The following NLN variants were observed in gnomAD, a reference collection of about 807,000 sequenced individuals.
The protein encoded by NLN is neurolysin.
A neutral mutation model predicts 79.9 loss-of-function variants in NLN; 64 were observed. The observed-to-expected ratio is 0.80, with a 90% CI of 0.65 to 0.99. The LOEUF (loss-of-function observed/expected upper bound fraction) is 0.99, where lower values mean the gene tolerates loss of function less well. Among genes scored for constraint, NLN ranks in the 50% least tolerant of loss-of-function variants. The pLI, the probability that NLN is intolerant of heterozygous loss-of-function variation, is 0.00. For missense variants in NLN, 835 were observed against 858.7 expected (o/e 0.97, Z 0.34); for synonymous variants, 267 against 296.6 (o/e 0.90, Z 1.02).
At chr5:65,754,999 G>A (rs1216052961) in intron 1 of NLN, among the ~76,000 whole-genome samples, 1 of 152,138 alleles carries the variant, frequency 6.6e-6, no homozygotes, top group Non-Finnish European at 1.5e-5. Context: ...CTCTTGCAAA[G>A]AAACTGCTTA....
At chr5:65,727,947 T>C (rs1016574138) in intron 1 of NLN, among the ~76,000 whole-genome samples, 2 of 152,150 alleles carry the variant, frequency 1.3e-5, no homozygotes, top group African/African-American at 4.8e-5. Context: ...TTTGTATTTT[T>C]AGTAGAGCTG....
At chr5:65,767,495 T>G (rs1449718595) in intron 3 of NLN, among the ~76,000 whole-genome samples, 2 of 152,114 alleles carry the variant, frequency 1.3e-5, no homozygotes, top group African/African-American at 4.8e-5. Flanking sequence ...CAAAACCATT[T>G]TTTTTCTCCT....
At chr5:65,751,116 A>G (rs1437213357) in intron 1 of NLN, among the ~76,000 whole-genome samples, 1 of 152,104 alleles carries the variant, frequency 6.6e-6, no homozygotes, top group Non-Finnish European at 1.5e-5. Flanking sequence ...GTAGAGAAAC[A>G]TTAATTGCAA....
chr5:65,771,588 T>C (rs1759566742), intron 3 of NLN, among the ~76,000 whole-genome samples: 1 of 152,218 alleles, frequency 6.6e-6, no homozygotes, highest in Non-Finnish European at 1.5e-5. Context: ...TCTTAGCCAA[T>C]TAGTGATTTA....
chr5:65,775,437 T>C (rs1759658717), intron 3 of NLN, among the ~76,000 whole-genome samples: 1 of 152,172 alleles, frequency 6.6e-6, no homozygotes, highest in Non-Finnish European at 1.5e-5. Flanking sequence ...CTCTGGTCCT[T>C]AGCCTGCTCG....
chr5:65,803,004 C>G (rs774953595), intron 9 of NLN, among the ~76,000 whole-genome samples: 3 of 152,164 alleles, frequency 2.0e-5, no homozygotes, highest in African/African-American at 4.8e-5. Flanking sequence ...AGAGGAGACC[C>G]TGGAGTGGGT....
At chr5:65,816,316 G>A (rs1212432103) in intron 12 of NLN, among the ~76,000 whole-genome samples, 4 of 152,156 alleles carry the variant, frequency 2.6e-5, no homozygotes, top group African/African-American at 9.7e-5. Context: ...ACTTAAAAGT[G>A]GGAGCTAAAT....
chr5:65,735,978 C>T (rs985074652), intron 1 of NLN, among the ~76,000 whole-genome samples: 4 of 152,064 alleles, frequency 2.6e-5, no homozygotes, highest in South Asian at 2.1e-4. Context: ...AATGCATATA[C>T]GTATATACAT....
In NLN at chr5:65,758,691, C is replaced by T; in HGVS notation, c.166C>T (p.Gln56Ter). 6.2e-7 allele frequency: 1 copy of T among 1,613,726 alleles called. No individual in the cohort carries two copies. ...TTTAAGATGGGATCTTTCACCAGAG[C>T]AAATTAAAACAAGAACTGAGGAGCT... ...NVLRWDLSPE[Q>*]IKTRTEELIV... is the part of the protein sequence containing the mutation. Residue 56 changes from glutamine to a stop codon, truncating the protein, a stop_gained, in exon 2 of 13, where the codon CAA becomes TAA. Coordinates refer to ENST00000380985, the MANE Select transcript of NLN (RefSeq NM_020726.5). LOFTEE classifies it high-confidence loss of function.
At position 65,812,398 on chromosome 5, in the gene NLN, TATTA is replaced by T; in HGVS notation, c.1980+8_1980+11del. ...AGGGATAATGAATCCAGAGGTATAG[TATTA>T]TTTTTCTCCTTTTATTAATTTTGTA... On this transcript the variant is annotated splice_region_variant and intron_variant, in intron 12 of 12. Coordinates refer to ENST00000380985, the MANE Select transcript of NLN (RefSeq NM_020726.5). 1 of 1,495,346 alleles carries T rather than the reference TATTA, an allele frequency of 6.7e-7. No individual in the cohort carries two copies. Among genetic ancestry groups the T allele is most frequent in the African/African-American group, 1.4e-5 (1 of 71,182 alleles). 92.6% of individuals were successfully genotyped at this position (1,495,346 alleles called of 1,614,324 possible). A position where few individuals can be genotyped will look rare whatever the true frequency, so the allele number is the denominator to read the frequency against.
Position 65,826,621 on chromosome 5 carries a change from A to G in NLN, c.*3706A>G, listed in dbSNP as rs1192408456. On this transcript the variant is annotated 3_prime_UTR_variant, in exon 13 of 13. Coordinates refer to ENST00000380985, the MANE Select transcript of NLN (RefSeq NM_020726.5). ...TGTGTGGTGAGAATAAAAGCAACAA[A>G]GAAATGAATGTGGTGGCTCACACCT... The G allele has an allele frequency of 6.6e-6, 1 of 152,236 alleles. No homozygotes were observed. Among genetic ancestry groups the G allele is most frequent in the Non-Finnish European group, 1.5e-5 (1 of 68,052 alleles). The allele number at this position is 152,236 out of a possible 1,614,324, so 9.4% of individuals were successfully genotyped here.
At chr5:65,808,211 T>C (rs1760461539) in intron 9 of NLN, among the ~76,000 whole-genome samples, 1 of 152,176 alleles carries the variant, frequency 6.6e-6, no homozygotes, top group African/African-American at 2.4e-5. Context: ...CAAAACATTT[T>C]TTTGCATAAA....
At chr5:65,815,318 C>T (rs1760647152) in intron 12 of NLN, among the ~76,000 whole-genome samples, 1 of 152,174 alleles carries the variant, frequency 6.6e-6, no homozygotes, top group South Asian at 2.1e-4. Flanking sequence ...GAAGCAATTC[C>T]TGCATTGTCT....
At chr5:65,808,545 G>C (rs1760473954) in intron 9 of NLN, among the ~76,000 whole-genome samples, 1 of 152,150 alleles carries the variant, frequency 6.6e-6, no homozygotes, top group African/African-American at 2.4e-5. Flanking sequence ...TTGAAGGACT[G>C]TGTGAAGGTT....
chr5:65,807,383 G>C (rs1418803476), intron 9 of NLN, among the ~76,000 whole-genome samples: 1 of 151,762 alleles, frequency 6.6e-6, no homozygotes, highest in East Asian at 1.9e-4. Context: ...ATGATCATTA[G>C]CATTTTTTAA....
intron 9 of NLN, among the ~76,000 whole-genome samples, chr5:65,797,193 G>C (rs1283564632): frequency 2.6e-5 from 4 of 152,218 alleles, no homozygotes; most frequent in Non-Finnish European, 5.9e-5. Flanking sequence ...CTGTAGAATA[G>C]TAATGCCTCT....
intron 9 of NLN, among the ~76,000 whole-genome samples, chr5:65,805,382 A>G (rs1352079596): frequency 6.6e-6 from 1 of 152,250 alleles, no homozygotes; most frequent in Non-Finnish European, 1.5e-5. Flanking sequence ...GTTATGAAAC[A>G]AAGGAAAAAG....
intron 3 of NLN, among the ~76,000 whole-genome samples, chr5:65,763,615 G>A (rs1039219984): frequency 2.6e-5 from 4 of 151,674 alleles, no homozygotes; most frequent in Non-Finnish European, 5.9e-5. Flanking sequence ...ATGTTGATTT[G>A]CCTCCTAGCA....
intron 1 of NLN, among the ~76,000 whole-genome samples, chr5:65,735,919 A>G (rs576784759): frequency 1.8e-4 from 27 of 152,186 alleles, no homozygotes; most frequent in Non-Finnish European, 3.4e-4. Context: ...AGAGCCTAAT[A>G]CTTATTCATT....
Sources: gnomAD v4.1 joint callset for allele counts (sites outside exome capture counted in the v4.1 genomes callset) on GRCh38, gnomAD v4.1.1 for gene constraint, MANE v1.5 for transcripts, NCBI Gene and HGNC (gene_info 2026-07-23, HGNC 2026-07-21) for gene names.